The following BDP1 variants were observed in gnomAD, a reference collection of about 807,000 sequenced individuals.
BDP1 encodes BDP1 general transcription factor IIIB subunit.
Under a neutral mutation model 266.6 loss-of-function variants are expected in BDP1, and 169 were observed. That is an observed-to-expected ratio of 0.63 (90% CI 0.56 to 0.72). BDP1 has a LOEUF of 0.72. BDP1 is among the 30% of genes least tolerant of loss of function. BDP1 has a pLI of 0.00. For missense variants in BDP1, 3,015 were observed against 3,053.8 expected (o/e 0.99, Z 0.30); for synonymous variants, 1,090 against 1,022.4 (o/e 1.07, Z -1.26).
chr5:71,569,497 A>G (rs986241995), downstream of BDP1, among the ~76,000 whole-genome samples: 13 of 152,194 alleles, frequency 8.5e-5, no homozygotes, highest in South Asian at 2.1e-4. Context: ...CTGTAATCCT[A>G]GCACTTTGGG....
intron 37 of BDP1, 46 bp from the exon 38 acceptor site, chr5:71,562,226 ATG>A: frequency 2.0e-6 from 2 of 981,800 alleles, no homozygotes; most frequent in South Asian, 1.7e-5. Flanking sequence ...AAAAAAAAGA[ATG>A]TGTCTTCCTG....
intron 25 of BDP1, among the ~76,000 whole-genome samples, chr5:71,525,452 C>CT (rs1561750691): frequency 8.5e-5 from 11 of 129,292 alleles, no homozygotes; most frequent in African/African-American, 2.8e-4. Context: ...TGACACCCCC[C>CT]ACCTCCCTCC....
chr5:71,510,204 G>T lies in BDP1; in HGVS notation c.3112G>T (p.Glu1038Ter), dbSNP rs776434154. ...TGATGCTACTGAGGAAATAGATTTG[G>T]AAGAAACTGAAAGAGAAGTATCCCC... ...VIDATEEIDL[E>*]ETEREVSPQE... Residue 1038 changes from glutamate to a stop codon, truncating the protein, a stop_gained, in exon 17 of 39, where the codon GAA (glutamate) becomes TAA (stop). Coordinates refer to ENST00000358731, the MANE Select transcript of BDP1 (RefSeq NM_018429.3). LOFTEE classifies it high-confidence loss of function. The T allele has an allele frequency of 2.5e-6, 4 of 1,613,844 alleles. No homozygotes were observed. The African/African-American group carries it at 5.3e-5, about 22-fold the overall frequency.
intron 16 of BDP1, among the ~76,000 whole-genome samples, chr5:71,505,927 A>C (rs541954706): frequency 6.6e-6 from 1 of 152,150 alleles, no homozygotes. Flanking sequence ...TACTTTAAAG[A>C]TCTTCATTGG....
Position 71,512,315 on chromosome 5 carries a change from A to G in BDP1, c.4134A>G (p.Ser1378=), listed in dbSNP as rs1427197292. The G allele has an allele frequency of 3.8e-6, 6 of 1,599,622 alleles. No individual in the cohort carries two copies. In the South Asian group the frequency reaches 6.8e-5, roughly 18 times the overall value. The change falls in exon 18 of 39, where the codon TCA becomes TCG. Residue 1378 remains serine (S), a synonymous_variant. Coordinates refer to ENST00000358731, the MANE Select transcript of BDP1 (RefSeq NM_018429.3). The part of the protein sequence containing the change: ...EEKRNSEKEV[S]SHFSHFKISS... ...AAAGAAATTCTGAAAAAGAAGTATC[A>G]AGTCACTTCAGTCATTTCAAGATTT...
In BDP1 at chr5:71,519,494, C is replaced by T. The variant is rs1765390422; in HGVS notation, c.4991+2042C>T. Among the ~76,000 whole-genome samples the T allele has an allele frequency of 2.0e-5, 3 of 152,246 alleles. No homozygotes were observed. In the South Asian group the frequency reaches 6.2e-4, roughly 32 times the overall value. On this transcript the variant is annotated intron_variant, in intron 22 of 38. Transcript: ENST00000358731. Reference sequence around the variant, plus strand: ...TGCCTTCCTAGCCTCTGGTGAGCACCATTCTAATCCCTACCTCCATGAGAT... The same window carrying T: ...TGCCTTCCTAGCCTCTGGTGAGCACTATTCTAATCCCTACCTCCATGAGAT...
chr5:71,479,896 C>T (rs1016798281), intron 7 of BDP1, among the ~76,000 whole-genome samples: 17 of 151,356 alleles, frequency 1.1e-4, no homozygotes, highest in Non-Finnish European at 2.2e-4. Context: ...TTTCTCATGT[C>T]ATGTGGGTTT....
chr5:71,565,159 TC>T lies in BDP1; in HGVS notation c.*276del. 1 of 336,430 alleles carries T rather than the reference TC, an allele frequency of 3.0e-6. No homozygotes were observed. Among genetic ancestry groups the T allele is most frequent in the South Asian group, 5.2e-5 (1 of 19,402 alleles). The allele number at this position is 336,430 out of a possible 1,614,324, so 20.8% of individuals were successfully genotyped here. Reference sequence around the variant, plus strand: ...CAACTCTTGTTTACATTTTGACTCTTCCTGTGCTAAGCACACATGGACATTT... The same window carrying T: ...CAACTCTTGTTTACATTTTGACTCTTCTGTGCTAAGCACACATGGACATTT... On this transcript the variant is annotated 3_prime_UTR_variant, in exon 39 of 39. Coordinates refer to ENST00000358731, the MANE Select transcript of BDP1 (RefSeq NM_018429.3).
chr5:71,483,006 G>A (rs1763048488), intron 7 of BDP1, among the ~76,000 whole-genome samples: 1 of 152,196 alleles, frequency 6.6e-6, no homozygotes, highest in Non-Finnish European at 1.5e-5. Flanking sequence ...ATACAAGAAA[G>A]TGATTGCTTT....
At chr5:71,495,489 A>C in intron 12 of BDP1, 81 bp downstream of exon 12, 1 of 854,472 alleles carries the variant, frequency 1.2e-6, no homozygotes, top group Non-Finnish European at 1.7e-6. Context: ...TCATTTAGGG[A>C]TTCGAGGGGA....
intron 7 of BDP1, among the ~76,000 whole-genome samples, chr5:71,480,489 C>G (rs1762884758): frequency 6.6e-6 from 1 of 151,700 alleles, no homozygotes; most frequent in East Asian, 2.0e-4. Flanking sequence ...AGGCTGGTCT[C>G]GAACTCCTGA....
Position 71,489,644 on chromosome 5 carries a change from C to G in BDP1, c.1454C>G (p.Thr485Ser), listed in dbSNP as rs372531329. The G allele has an allele frequency of 6.2e-7, 1 of 1,613,936 alleles. No homozygotes were observed. The highest frequency in any genetic ancestry group is 1.1e-5 in the South Asian group (1 of 91,070). ...GTAAACAATCTTTTAGAAAATGCCA[C>G]TGTTCAGGCGGGTCCTTCTAAAGGA... is the stretch of plus-strand genomic sequence containing the variant. ...LGVNNLLENA[T>S]VQAGPSKGEK... is the part of the protein sequence containing the mutation. Residue 485 changes from threonine (T) to serine (S), a missense_variant, in exon 10 of 39, where the codon ACT (threonine) becomes AGT (serine). Physicochemically the swap from Thr to Ser is moderately conservative, Grantham distance 58. Coordinates refer to ENST00000358731, the MANE Select transcript of BDP1 (RefSeq NM_018429.3).
rs751263936 is a variant in BDP1 at position 71,516,086 on chromosome 5, C to G, written c.4675C>G (p.Gln1559Glu). 3.7e-6 allele frequency: 6 copies of G among 1,608,684 alleles called. No individual in the cohort carries two copies. The South Asian group carries it at 5.6e-5, about 15-fold the overall frequency. Reference protein sequence around the residue: ...VGTNNVNTFQQEMKESVIQTA... With the variant: ...VGTNNVNTFQEEMKESVIQTA... ...GACTAATAATGTAAACACTTTCCAG[C>G]AAGAAATGAAGGAAAGTGTTATCCA... Residue 1559 changes from glutamine to glutamate, a missense_variant, in exon 21 of 39, where the codon CAA becomes GAA. By Grantham distance (29) the Gln-to-Glu change is conservative. Coordinates refer to ENST00000358731, the MANE Select transcript of BDP1 (RefSeq NM_018429.3).
At chr5:71,506,623 G>A (rs957107380) in intron 16 of BDP1, among the ~76,000 whole-genome samples, 27 of 151,890 alleles carry the variant, frequency 1.8e-4, no homozygotes, top group African/African-American at 6.5e-4. Flanking sequence ...TAAAGAAAAG[G>A]TACTTTATTA....
chr5:71,554,768 T>TG (rs1231588645), intron 35 of BDP1, among the ~76,000 whole-genome samples: 1 of 152,030 alleles, frequency 6.6e-6, no homozygotes, highest in Non-Finnish European at 1.5e-5. Flanking sequence ...TTTTAACAAT[T>TG]TTTTAAAAAT....
chr5:71,546,844 T>C (rs1339311016), intron 32 of BDP1, among the ~76,000 whole-genome samples: 1 of 120,196 alleles, frequency 8.3e-6, no homozygotes, highest in Non-Finnish European at 1.9e-5. Flanking sequence ...ATCATGTCCA[T>C]TATAGCTTTT....
intron 25 of BDP1, among the ~76,000 whole-genome samples, chr5:71,529,234 A>T (rs1766087055): frequency 6.6e-6 from 1 of 152,010 alleles, no homozygotes; most frequent in South Asian, 2.1e-4. Flanking sequence ...TACTAAAAAT[A>T]CAAAAATTTG....
intron 1 of BDP1, among the ~76,000 whole-genome samples, chr5:71,456,495 G>A (rs1271215213): frequency 2.6e-5 from 4 of 152,194 alleles, no homozygotes; most frequent in Admixed American, 6.5e-5. Context: ...GATAAGTATT[G>A]CTTTGGCTTT....
chr5:71,460,022 C>T (rs911937173), intron 2 of BDP1, among the ~76,000 whole-genome samples: 1 of 152,170 alleles, frequency 6.6e-6, no homozygotes, highest in African/African-American at 2.4e-5. Context: ...GATGCTCAAC[C>T]TCTATCTAGC....
Sources: gnomAD v4.1 joint callset for allele counts (sites outside exome capture counted in the v4.1 genomes callset) on GRCh38, gnomAD v4.1.1 for gene constraint, MANE v1.5 for transcripts, NCBI Gene and HGNC (gene_info 2026-07-23, HGNC 2026-07-21) for gene names.